Variants in ATXN10 observed in about 807,000 individuals in gnomAD.
The protein encoded by ATXN10 is ataxin-10.
In ATXN10, 28 loss-of-function variants were observed where a neutral mutation model predicts 52.9. The ratio of observed to expected loss-of-function variants is 0.53; its 90% CI spans 0.39 to 0.73. The LOEUF is 0.73. Among genes scored for constraint, ATXN10 ranks in the 30% least tolerant of loss-of-function variants. The pLI is 0.00. For synonymous variants in ATXN10, 226 were observed against 221.5 expected (o/e 1.02, Z -0.18); for missense variants, 565 against 577.0 (o/e 0.98, Z 0.21).
chr22:45,820,031 G>T lies in ATXN10; in HGVS notation c.1237+13009G>T, dbSNP rs1928596942. Among the ~76,000 whole-genome samples, 1 of 152,174 alleles carries T rather than the reference G, an allele frequency of 6.6e-6. No individual in the cohort carries two copies. Among genetic ancestry groups the T allele is most frequent in the African/African-American group, 2.4e-5 (1 of 41,446 alleles). On this transcript the variant is annotated intron_variant, in intron 10 of 11. Transcript: ENST00000252934. The surrounding 1 kb of genome is among the most constrained non-coding windows in gnomAD (Gnocchi z 4.9). ...AACGTGAGTGTGTCACAGCCATTCA[G>T]CACTGTTGGACTGTAACTCCTGGGC...
At chr22:45,675,117 A>G (rs1411019970) in intron 1 of ATXN10, 1 of 152,250 alleles carries the variant, frequency 6.6e-6, no homozygotes, top group African/African-American at 2.4e-5. Context: ...AGGACCTGTT[A>G]TTAAAATATA....
intron 1 of ATXN10, chr22:45,674,764 A>AAG (rs1922616450): frequency 6.6e-6 from 1 of 152,252 alleles, no homozygotes; most frequent in Non-Finnish European, 1.5e-5. Flanking sequence ...GAAAGTAATT[A>AAG]AGAGATTCTT....
Position 45,759,693 on chromosome 22 carries a change from AC to A in ATXN10, c.1173+19158del, listed in dbSNP as rs1351422165. ...CTGCATCAGCTCCTCCCTCCCAGCCACCCTGCCCTTCATAAAGCTCTAGTTT... is the reference window on the plus strand; with the variant it reads ...CTGCATCAGCTCCTCCCTCCCAGCCACCTGCCCTTCATAAAGCTCTAGTTT... On this transcript the variant is annotated intron_variant, in intron 9 of 11. Coordinates refer to ENST00000252934, the MANE Select transcript of ATXN10 (RefSeq NM_013236.4). The surrounding 1 kb of genome is among the most constrained non-coding windows in gnomAD (Gnocchi z 5.4). Among the ~76,000 whole-genome samples, 1 of 151,976 alleles carries A rather than the reference AC, an allele frequency of 6.6e-6. No homozygotes were observed. The highest frequency in any genetic ancestry group is 1.5e-5 in the Non-Finnish European group (1 of 67,988).
At chr22:45,813,245 A>G (rs1928342722) in intron 10 of ATXN10, among the ~76,000 whole-genome samples, 1 of 151,852 alleles carries the variant, frequency 6.6e-6, no homozygotes, top group African/African-American at 2.4e-5. Context: ...GTTGTTTCCA[A>G]ATAGAAACAG....
In ATXN10 at chr22:45,843,701, G is replaced by A. The variant is rs564834231; in HGVS notation, c.*30G>A. On this transcript the variant is annotated 3_prime_UTR_variant, in exon 12 of 12. Transcript: ENST00000252934. The surrounding 1 kb of genome is among the most constrained non-coding windows in gnomAD (Gnocchi z 4.5). ...ACTACATCCAAATACCTGAATTTTT[G>A]GAATCTGTTTCATGGATTTTTCATC... 2.8e-5 allele frequency: 45 copies of A among 1,606,586 alleles called. No individual in the cohort carries two copies. The South Asian group carries it at 4.4e-4, about 16-fold the overall frequency.
Position 45,789,517 on chromosome 22 carries a change from G to T in ATXN10, c.1174-17442G>T, listed in dbSNP as rs1375603030. On this transcript the variant is annotated intron_variant, in intron 9 of 11. Transcript: ENST00000252934. The surrounding 1 kb of genome is among the most constrained non-coding windows in gnomAD (Gnocchi z 4.0). ...AATAGCTGCTCTGTATACCATGGAC[G>T]CTATACAGCTCAACTCAAAGAGGGA... Among the ~76,000 whole-genome samples, 1 of 152,176 alleles carries T rather than the reference G, an allele frequency of 6.6e-6. No individual in the cohort carries two copies. Among genetic ancestry groups the T allele is most frequent in the Non-Finnish European group, 1.5e-5 (1 of 68,028 alleles).
chr22:45,812,796 A>T (rs113312640), intron 10 of ATXN10, among the ~76,000 whole-genome samples: 22 of 152,294 alleles, frequency 1.4e-4, no homozygotes, highest in Admixed American at 8.5e-4. Context: ...GCCTTTGGAT[A>T]GGAGTCTACC....
At chr22:45,814,538 T>A (rs1928393885) in intron 10 of ATXN10, among the ~76,000 whole-genome samples, 1 of 152,236 alleles carries the variant, frequency 6.6e-6, no homozygotes, top group African/African-American at 2.4e-5. Flanking sequence ...AAGAATTGCT[T>A]TGGAAAGCTT....
At chr22:45,779,240 A>G (rs1486093192) in intron 9 of ATXN10, among the ~76,000 whole-genome samples, 2 of 152,114 alleles carry the variant, frequency 1.3e-5, no homozygotes, top group Non-Finnish European at 2.9e-5. Context: ...ACAGGACCCT[A>G]CTCATCTCGA....
rs1926102250 is a variant in ATXN10, at chr22:45,754,409, G to C, written c.1173+13871G>C. Among the ~76,000 whole-genome samples the C allele has an allele frequency of 6.6e-6, 1 of 152,176 alleles. No homozygotes were observed. On this transcript the variant is annotated intron_variant, in intron 9 of 11. Transcript: ENST00000252934. This position sits in a 1 kb window ranked among gnomAD's most constrained non-coding sequence, Gnocchi z 5.4. The stretch of plus-strand genomic sequence containing the variant: ...TACTATTGATGACAGCAGTCACAGT[G>C]ACCTTCCATGAATGCCTCCTGCATG...
intron 9 of ATXN10, among the ~76,000 whole-genome samples, chr22:45,779,957 A>G (rs1208591672): frequency 6.6e-6 from 1 of 152,254 alleles, no homozygotes; most frequent in African/African-American, 2.4e-5. Context: ...AGTATACTCC[A>G]ATGATTTTAC....
chr22:45,732,057 G>A lies in ATXN10; in HGVS notation c.894+2467G>A, dbSNP rs1456118971. 6.6e-6 allele frequency among the ~76,000 whole-genome samples: 1 copy of A among 151,208 alleles called. No homozygotes were observed. The highest frequency in any genetic ancestry group is 1.5e-5 in the Non-Finnish European group (1 of 68,026). Reference sequence around the variant, plus strand: ...AAATATAGGTGATTTCAGTATTGTAGTGAGAAATTCCTGGTGTAACTTTTC... The same window carrying A: ...AAATATAGGTGATTTCAGTATTGTAATGAGAAATTCCTGGTGTAACTTTTC... On this transcript the variant is annotated intron_variant, in intron 7 of 11. Transcript: ENST00000252934. The surrounding 1 kb of genome is among the most constrained non-coding windows in gnomAD (Gnocchi z 4.5).
In ATXN10 at chr22:45,784,415, C is replaced by G. The variant is rs6007160; in HGVS notation, c.1174-22544C>G. Among the ~76,000 whole-genome samples the G allele has an allele frequency of 0.038, 5,721 of 152,238 alleles. 392 individuals carry two copies. Among genetic ancestry groups the G allele is most frequent in the African/African-American group, 0.13 (5,437 of 41,512 alleles). ...CCCTCGCCTATTTCCCATTTTCAAG[C>G]AGAGCTAACACAGCTTCTAAGACAT... On this transcript the variant is annotated intron_variant, in intron 9 of 11. Transcript: ENST00000252934. The surrounding 1 kb of genome is among the most constrained non-coding windows in gnomAD (Gnocchi z 4.2).
intron 10 of ATXN10, among the ~76,000 whole-genome samples, chr22:45,814,310 G>A (rs1236181962): frequency 6.6e-6 from 1 of 152,174 alleles, no homozygotes; most frequent in African/African-American, 2.4e-5. Context: ...AATGACTCAA[G>A]ACTTGCATGC....
chr22:45,811,777 G>T (rs1410007538), intron 10 of ATXN10: 1 of 470,894 alleles, frequency 2.1e-6, no homozygotes, highest in Admixed American at 2.3e-5. Context: ...TTCAGTTTCT[G>T]CTCCTGCTGG....
intron 5 of ATXN10, among the ~76,000 whole-genome samples, chr22:45,711,070 G>T (rs1924228594): frequency 6.6e-6 from 1 of 152,216 alleles, no homozygotes; most frequent in South Asian, 2.1e-4. Context: ...GTGCAAAAAA[G>T]TGACTGAGAG....
chr22:45,719,455 T>G (rs1465508298), intron 6 of ATXN10, among the ~76,000 whole-genome samples: 3 of 152,140 alleles, frequency 2.0e-5, no homozygotes, highest in Non-Finnish European at 4.4e-5. Flanking sequence ...CCAATTCCAG[T>G]GCTTCTTTCC....
Position 45,842,554 on chromosome 22 carries a change from G to C in ATXN10, c.1238-437G>C, listed in dbSNP as rs1215908963. Among the ~76,000 whole-genome samples, 1 of 152,124 alleles carries C rather than the reference G, an allele frequency of 6.6e-6. No homozygotes were observed. Among genetic ancestry groups the C allele is most frequent in the East Asian group, 1.9e-4 (1 of 5,190 alleles). ...CCTGATTCTAACCTGACGTCTTTGT[G>C]ACTGATTCTTTAGTGCTCTTCTTAT... On this transcript the variant is annotated intron_variant, in intron 10 of 11. Coordinates refer to ENST00000252934, the MANE Select transcript of ATXN10 (RefSeq NM_013236.4). This position sits in a 1 kb window ranked among gnomAD's most constrained non-coding sequence, Gnocchi z 4.8.
intron 6 of ATXN10, among the ~76,000 whole-genome samples, chr22:45,723,374 G>A (rs1924737948): frequency 1.3e-5 from 2 of 151,496 alleles, no homozygotes; most frequent in African/African-American, 2.4e-5. Context: ...TTGTATAGTG[G>A]TGTGGTTTTG....
Sources: allele counts gnomAD v4.1 joint callset (sites outside exome capture counted in the v4.1 genomes callset), GRCh38; gene constraint gnomAD v4.1.1; non-coding constraint Gnocchi (gnomAD v3.1); transcripts MANE v1.5; gene names NCBI Gene and HGNC (gene_info 2026-07-23, HGNC 2026-07-21).